HIVEP3: variants seen among roughly 807,000 people sequenced by gnomAD.
HIVEP3 encodes the protein transcription factor HIVEP3.
HIVEP3 carries 49 observed loss-of-function variants against 152.8 expected under a neutral mutation model. That is an observed-to-expected ratio of 0.32 (90% CI 0.26 to 0.41). The LOEUF is 0.41. Among genes scored for constraint, HIVEP3 ranks in the 10% least tolerant of loss-of-function variants. The pLI, the probability that HIVEP3 is intolerant of heterozygous loss-of-function variation, is 1.00. For missense variants in HIVEP3, 2,790 were observed against 3,103.3 expected (o/e 0.90, Z 2.40); for synonymous variants, 1,269 against 1,289.0 (o/e 0.98, Z 0.33).
intron 1 of HIVEP3, among the ~76,000 whole-genome samples, chr1:41,822,693 T>C (rs1413786557): frequency 3.9e-5 from 6 of 152,098 alleles, no homozygotes; most frequent in Non-Finnish European, 4.4e-5. Context: ...ATCAGTGTAG[T>C]TTCTCAAGCT....
Position 42,027,457 on chromosome 1 carries a change from C to T in HIVEP3, n.119+8350G>A, listed in dbSNP as rs938762363. 3.9e-5 allele frequency among the ~76,000 whole-genome samples: 6 copies of T among 152,184 alleles called. No individual in the cohort carries two copies. In the South Asian group the frequency reaches 6.2e-4, roughly 16 times the overall value. On this transcript the variant is annotated intron_variant and non_coding_transcript_variant, in intron 1 of 3. Coordinates refer to the HIVEP3 transcript ENST00000489103. ...CTCAAAATCTTCTAATAGCTTCTCA[C>T]GTCACTCAGAATAAAATCCAAAGTC... is the stretch of plus-strand genomic sequence containing the variant.
chr1:41,532,636 G>T (rs1342858375), intron 5 of HIVEP3, among the ~76,000 whole-genome samples: 1 of 152,162 alleles, frequency 6.6e-6, no homozygotes, highest in Non-Finnish European at 1.5e-5. Flanking sequence ...ACAGGCCTCA[G>T]TGGCCATTTG....
At chr1:41,577,574 C>T (rs966463316) in intron 4 of HIVEP3, among the ~76,000 whole-genome samples, 19 of 152,056 alleles carry the variant, frequency 1.2e-4, no homozygotes, top group African/African-American at 4.1e-4. Context: ...AGGGTTTATA[C>T]GTGGAAGAAA....
chr1:42,017,236 T>C (rs564076356), intron 1 of HIVEP3, among the ~76,000 whole-genome samples: 140 of 152,322 alleles, frequency 9.2e-4, no homozygotes, highest in Non-Finnish European at 1.8e-3. Context: ...TTTCATTTTA[T>C]ATTTAAATAT....
At chr1:41,552,668 C>A (rs1643908750) in intron 5 of HIVEP3, among the ~76,000 whole-genome samples, 1 of 151,406 alleles carries the variant, frequency 6.6e-6, no homozygotes, top group Non-Finnish European at 1.5e-5. Context: ...AATAATGCTA[C>A]AATAAACATA....
chr1:41,817,672 T>A (rs745800987), intron 1 of HIVEP3, among the ~76,000 whole-genome samples: 1 of 152,170 alleles, frequency 6.6e-6, no homozygotes, highest in Non-Finnish European at 1.5e-5. Context: ...CAGTTACCCC[T>A]TGCTAAGGTG....
rs531159254 is a variant in HIVEP3, at chr1:41,540,787, A to T, written c.5208-15877T>A. ...TCTGACCCCAGGGCTACAAACTTGG[A>T]AAAAAGCAAGCCTGAATGGTAGTGA... is the stretch of plus-strand genomic sequence containing the variant. On this transcript the variant is annotated intron_variant, in intron 5 of 8. Coordinates refer to ENST00000372583, the MANE Select transcript of HIVEP3 (RefSeq NM_024503.5). Among the ~76,000 whole-genome samples, 5 of 152,304 alleles carry T rather than the reference A, an allele frequency of 3.3e-5. No individual in the cohort carries two copies. The East Asian group carries it at 7.7e-4, about 23-fold the overall frequency.
At chr1:41,883,231 C>T (rs1300015372) in intron 1 of HIVEP3, among the ~76,000 whole-genome samples, 1 of 151,964 alleles carries the variant, frequency 6.6e-6, no homozygotes, top group African/African-American at 2.4e-5. Flanking sequence ...CTGGCAGGAG[C>T]TGCTGGGAAG....
At chr1:41,885,875 C>A (rs1311108473) in intron 1 of HIVEP3, among the ~76,000 whole-genome samples, 4 of 150,632 alleles carry the variant, frequency 2.7e-5, no homozygotes, top group Non-Finnish European at 5.9e-5. Flanking sequence ...AAATATAGCA[C>A]ACTGAATACC....
intron 1 of HIVEP3, among the ~76,000 whole-genome samples, chr1:41,941,649 A>G (rs1158932139): frequency 6.6e-6 from 1 of 152,238 alleles, no homozygotes; most frequent in Non-Finnish European, 1.5e-5. Context: ...GGCCCACTAG[A>G]GAAACACAGT....
chr1:42,024,509 C>T (rs1418195735), intron 1 of HIVEP3, among the ~76,000 whole-genome samples: 1 of 152,176 alleles, frequency 6.6e-6, no homozygotes, highest in African/African-American at 2.4e-5. Flanking sequence ...ATTATCTTTA[C>T]TCTCCTTCCA....
intron 5 of HIVEP3, among the ~76,000 whole-genome samples, chr1:41,528,576 CCCCACCCTCACACA>C: frequency 3.8e-5 from 2 of 52,918 alleles, no homozygotes; most frequent in Non-Finnish European, 7.5e-5. Context: ...CCCTCACACA[CCCCACCCTCACACA>C]CCCCACCCTC....
intron 5 of HIVEP3, chr1:41,535,469 A>C (rs1437377866): frequency 6.6e-6 from 1 of 152,146 alleles, no homozygotes; most frequent in Non-Finnish European, 1.5e-5. Flanking sequence ...TTATCAGGGG[A>C]GCAAGTGACC....
At chr1:41,857,894 A>G (rs1442462375) in intron 1 of HIVEP3, among the ~76,000 whole-genome samples, 1 of 152,166 alleles carries the variant, frequency 6.6e-6, no homozygotes, top group Non-Finnish European at 1.5e-5. Context: ...GACAACCTGG[A>G]TATTTCACCA....
At chr1:41,869,884 A>G (rs544486801) in intron 1 of HIVEP3, among the ~76,000 whole-genome samples, 7 of 152,340 alleles carry the variant, frequency 4.6e-5, no homozygotes, top group African/African-American at 1.7e-4. Flanking sequence ...TCATCATGAC[A>G]TTGAAATGTG....
intron 1 of HIVEP3, among the ~76,000 whole-genome samples, chr1:41,743,023 A>C (rs558568966): frequency 5.9e-4 from 89 of 151,750 alleles, no homozygotes; most frequent in African/African-American, 2.1e-3. Context: ...AAATGAGATC[A>C]TGTTGTTTTT....
At chr1:41,809,884 CTG>C (rs1422923669) in intron 1 of HIVEP3, among the ~76,000 whole-genome samples, 1 of 152,192 alleles carries the variant, frequency 6.6e-6, no homozygotes, top group Non-Finnish European at 1.5e-5. Flanking sequence ...CCATGCTTGA[CTG>C]GGGACTTTCC....
intron 3 of HIVEP3, among the ~76,000 whole-genome samples, chr1:41,607,627 C>T (rs564342240): frequency 2.0e-5 from 3 of 151,326 alleles, no homozygotes; most frequent in Non-Finnish European, 1.5e-5. Context: ...TAGGCCTTCT[C>T]TTTCATTCTA....
In HIVEP3 at chr1:41,940,790, A is replaced by G. The variant is rs369142618; in HGVS notation, n.120-22266T>C. On this transcript the variant is annotated intron_variant and non_coding_transcript_variant, in intron 1 of 3. Transcript: ENST00000489103. Reference sequence around the variant, plus strand: ...AAGGTGGGGGAAGTGAGAGGGCACAAGTATAACAGGAGAGCATGAAGAGAG... The same window carrying G: ...AAGGTGGGGGAAGTGAGAGGGCACAGGTATAACAGGAGAGCATGAAGAGAG... Among the ~76,000 whole-genome samples, 514 of 152,182 alleles carry G rather than the reference A, an allele frequency of 3.4e-3. 1 individual carries two copies. The highest frequency in any genetic ancestry group is 8.3e-3 in the African/African-American group (345 of 41,504).
Sources: allele counts gnomAD v4.1 joint callset (sites outside exome capture counted in the v4.1 genomes callset), GRCh38; gene constraint gnomAD v4.1.1; transcripts MANE v1.5; gene names NCBI Gene and HGNC (gene_info 2026-07-23, HGNC 2026-07-21).